DNAH5: variants seen among roughly 807,000 people sequenced by gnomAD.
DNAH5 encodes the protein dynein axonemal heavy chain 5.
In DNAH5, 372 loss-of-function variants were observed where a neutral mutation model predicts 518.2. The ratio of observed to expected loss-of-function variants is 0.72; its 90% confidence interval spans 0.66 to 0.78. The LOEUF is 0.78. Among genes scored for constraint, DNAH5 ranks in the 30% least tolerant of loss-of-function variants. The pLI is 0.00. For synonymous variants in DNAH5, 2,039 were observed against 2,025.9 expected (o/e 1.01, Z -0.17); for missense variants, 5,523 against 5,687.0 (o/e 0.97, Z 0.93).
intron 1 of DNAH5, among the ~76,000 whole-genome samples, chr5:14,005,450 G>T (rs1052560749): frequency 6.6e-6 from 1 of 152,162 alleles, no homozygotes; most frequent in Non-Finnish European, 1.5e-5. Flanking sequence ...ATAAAGGTTT[G>T]TGGGACACAG....
intron 1 of DNAH5, among the ~76,000 whole-genome samples, chr5:13,955,372 G>C (rs1306833867): frequency 4.6e-5 from 7 of 152,100 alleles, no homozygotes; most frequent in African/African-American, 1.7e-4. Context: ...CCCAGTCTCA[G>C]GTATGTCTTT....
chr5:13,773,141 G>C (rs1753578715), intron 55 of DNAH5, among the ~76,000 whole-genome samples: 1 of 152,128 alleles, frequency 6.6e-6, no homozygotes, highest in Non-Finnish European at 1.5e-5. Flanking sequence ...GACTAGCATA[G>C]TATTAAACAT....
intron 15 of DNAH5, chr5:13,898,889 C>T: frequency 5.8e-6 from 2 of 344,904 alleles, no homozygotes; most frequent in Non-Finnish European, 1.0e-5. Context: ...CAGTCCCTCT[C>T]TCAGTAGCCT....
At chr5:13,972,250 T>A (rs1293775559) in intron 1 of DNAH5, among the ~76,000 whole-genome samples, 2 of 152,120 alleles carry the variant, frequency 1.3e-5, no homozygotes, top group Non-Finnish European at 2.9e-5. Context: ...AGCCTCCCTG[T>A]TGAGAAAGCA....
chr5:13,942,242 T>C (rs1779526605), intron 1 of DNAH5, among the ~76,000 whole-genome samples: 1 of 152,210 alleles, frequency 6.6e-6, no homozygotes, highest in Non-Finnish European at 1.5e-5. Flanking sequence ...ATGATATTTA[T>C]GGATAAAGTC....
rs772052510 is a variant in DNAH5, at chr5:13,920,656, T to C, written c.661-39A>G. Reference sequence around the variant, plus strand: ...AAATTAAATAATCAGATGATGCTTTTGTAAAACACACAGACTGTGGGCCCT... The same window carrying C: ...AAATTAAATAATCAGATGATGCTTTCGTAAAACACACAGACTGTGGGCCCT... On this transcript the variant is annotated intron_variant, in intron 5 of 78. Transcript: ENST00000265104. 4.3e-6 allele frequency: 7 copies of C among 1,611,504 alleles called. No individual in the cohort carries two copies. In the African/African-American group the frequency reaches 9.3e-5, roughly 22 times the overall value.
intron 1 of DNAH5, among the ~76,000 whole-genome samples, chr5:13,997,417 A>G (rs1387536229): frequency 1.3e-5 from 2 of 152,120 alleles, no homozygotes; most frequent in Non-Finnish European, 2.9e-5. Flanking sequence ...TCCAGTTTCC[A>G]ATAACATATT....
chr5:13,965,504 A>G (rs556963096), intron 1 of DNAH5, among the ~76,000 whole-genome samples: 1 of 152,328 alleles, frequency 6.6e-6, no homozygotes, highest in South Asian at 2.1e-4. Context: ...ACAACTAACA[A>G]AGTCTTGTTT....
At chr5:14,006,624 G>A (rs1784740515) in intron 1 of DNAH5, among the ~76,000 whole-genome samples, 1 of 152,126 alleles carries the variant, frequency 6.6e-6, no homozygotes, top group Admixed American at 6.5e-5. Context: ...TAATGGCCCT[G>A]TCTCCAAATA....
chr5:13,899,363 T>A (rs1561531945), intron 15 of DNAH5: 1 of 152,498 alleles, frequency 6.6e-6, no homozygotes, highest in Middle Eastern at 3.4e-3. Context: ...TGGCCCTCCA[T>A]TCTTCTCTGT....
At chr5:13,733,708 TAC>T (rs141216653) in intron 68 of DNAH5, among the ~76,000 whole-genome samples, 5 of 152,182 alleles carry the variant, frequency 3.3e-5, no homozygotes, top group South Asian at 2.1e-4. Flanking sequence ...GATATATATA[TAC>T]ACACACACAT....
chr5:13,708,400 C>T (rs1743072438), intron 75 of DNAH5, 65 bp from the exon 76 acceptor site: 1 of 1,534,050 alleles, frequency 6.5e-7, no homozygotes, highest in Non-Finnish European at 9.0e-7. Flanking sequence ...AGACCTGGTG[C>T]CCTGGGGCCT....
At chr5:13,903,501 T>A (rs1471610318) in intron 12 of DNAH5, among the ~76,000 whole-genome samples, 1 of 151,792 alleles carries the variant, frequency 6.6e-6, no homozygotes, top group Non-Finnish European at 1.5e-5. Flanking sequence ...GAGAAATATG[T>A]TTTAATCACA....
intron 47 of DNAH5, among the ~76,000 whole-genome samples, chr5:13,795,392 A>C (rs1449870432): frequency 2.6e-5 from 4 of 152,164 alleles, no homozygotes; most frequent in South Asian, 2.1e-4. Context: ...CACAGAAATA[A>C]AAACTACCAT....
chr5:13,923,543 G>T, intron 3 of DNAH5, 103 bp from the exon 4 acceptor site: 1 of 1,309,278 alleles, frequency 7.6e-7, no homozygotes, highest in Non-Finnish European at 1.1e-6. Context: ...TTGTTGACTT[G>T]TCCATGTGCC....
chr5:13,724,867 G>A (rs1745513065), intron 70 of DNAH5, among the ~76,000 whole-genome samples: 1 of 152,240 alleles, frequency 6.6e-6, no homozygotes, highest in Non-Finnish European at 1.5e-5. Flanking sequence ...CAGAAGCTGA[G>A]CAGATGCCAG....
intron 51 of DNAH5, 111 bp downstream of exon 51, chr5:13,788,605 A>G (rs987999682): frequency 1.1e-6 from 1 of 911,468 alleles, no homozygotes; most frequent in Non-Finnish European, 1.8e-6. Flanking sequence ...GCTTGTATCA[A>G]TAAAGTTTAC....
chr5:13,940,025 C>T (rs1464549141), intron 1 of DNAH5, among the ~76,000 whole-genome samples: 1 of 152,152 alleles, frequency 6.6e-6, no homozygotes, highest in East Asian at 1.9e-4. Flanking sequence ...CTGGAGTTCC[C>T]AAGGCCTCTA....
intron 58 of DNAH5, 76 bp downstream of exon 58, chr5:13,768,884 G>C: frequency 3.3e-6 from 5 of 1,493,252 alleles, no homozygotes; most frequent in Non-Finnish European, 4.7e-6. Context: ...GCATTTCCTT[G>C]CTGTTATTCA....
Sources: allele counts gnomAD v4.1 joint callset (sites outside exome capture counted in the v4.1 genomes callset), GRCh38; gene constraint gnomAD v4.1.1; transcripts MANE v1.5; gene names NCBI Gene and HGNC (gene_info 2026-07-23, HGNC 2026-07-21).